Variants in MRTFB observed in about 807,000 individuals in gnomAD.
MRTFB encodes myocardin-related transcription factor B.
In MRTFB, 29 loss-of-function variants were observed where a neutral mutation model predicts 104.2. The ratio of observed to expected loss-of-function variants is 0.28; its 90% CI spans 0.21 to 0.38. MRTFB has a LOEUF of 0.38. Ranked by LOEUF, MRTFB falls within the 10% of genes least tolerant of loss-of-function variation. The pLI is 1.00. For missense variants in MRTFB, 1,270 were observed against 1,341.6 expected (o/e 0.95, Z 0.83); for synonymous variants, 535 against 519.5 (o/e 1.03, Z -0.41).
intron 3 of MRTFB, chr16:14,191,827 C>T (rs1196370672): frequency 6.6e-6 from 1 of 152,120 alleles, no homozygotes; most frequent in South Asian, 2.1e-4. Flanking sequence ...TACTAGATTA[C>T]TCAAATTGTT....
chr16:14,252,251 C>T lies in MRTFB; in HGVS notation c.2566-114C>T, dbSNP rs190684780. 13 of 1,472,866 alleles carry T rather than the reference C, an allele frequency of 8.8e-6. No homozygotes were observed. The East Asian group carries it at 2.1e-4, about 23-fold the overall frequency. 91.2% of individuals were successfully genotyped at this position (1,472,866 alleles called of 1,614,324 possible). A position where few individuals can be genotyped will look rare whatever the true frequency, so the allele number is the denominator to read the frequency against. On this transcript the variant is annotated intron_variant, in intron 14 of 16. Coordinates refer to ENST00000571589, the MANE Select transcript of MRTFB (RefSeq NM_001308142.2). ...CCTCACAGGTGCTTAAAAGAACCTGCTCATGAATTCCCTGATTTGGCCACT... is the reference window on the plus strand; with the variant it reads ...CCTCACAGGTGCTTAAAAGAACCTGTTCATGAATTCCCTGATTTGGCCACT...
Position 14,247,073 on chromosome 16 carries a change from G to A in MRTFB, c.1813G>A (p.Glu605Lys). The A allele has an allele frequency of 6.2e-7, 1 of 1,614,166 alleles. No individual in the cohort carries two copies. The highest frequency in any genetic ancestry group is 8.5e-7 in the Non-Finnish European group (1 of 1,180,030). The change falls in exon 12 of 17, where the codon GAA (glutamate) becomes AAA (lysine). Residue 605 changes from glutamate (E) to lysine (K), a missense_variant. Glu to Lys is a moderately conservative substitution (Grantham distance 56). This residue lies in a region of MRTFB where 1,144 missense variants were observed against 1,131.5 expected (regional missense o/e 1.01). Transcript: ENST00000571589. ...VEVLKMQLEV[E>K]KRGQQQRPLE... ...AGTGCTGAAAATGCAACTTGAGGTT[G>A]AAAAACGAGGGCAGCAGCAGCGGCC...
At chr16:14,133,824 C>A (rs1017033557) in intron 2 of MRTFB, among the ~76,000 whole-genome samples, 6 of 152,036 alleles carry the variant, frequency 3.9e-5, no homozygotes, top group Non-Finnish European at 7.4e-5. Flanking sequence ...AAAATTAATC[C>A]TCTAATCAAT....
chr16:14,082,903 A>G (rs1009737938), intron 2 of MRTFB, among the ~76,000 whole-genome samples: 16 of 152,204 alleles, frequency 1.1e-4, no homozygotes, highest in African/African-American at 2.2e-4. Flanking sequence ...GAAGAATGTT[A>G]TTGGTATTTT....
chr16:14,255,271 G>A (rs977652109), intron 15 of MRTFB, among the ~76,000 whole-genome samples: 2 of 152,190 alleles, frequency 1.3e-5, no homozygotes, highest in African/African-American at 4.8e-5. Flanking sequence ...TCACAAATAG[G>A]ATGAAAGACA....
intron 3 of MRTFB, among the ~76,000 whole-genome samples, chr16:14,163,470 C>T (rs537168676): frequency 1.3e-3 from 202 of 152,260 alleles, no homozygotes; most frequent in Admixed American, 3.9e-3. Flanking sequence ...AGTAATATTG[C>T]TCACTGGAAG....
At position 14,225,867 on chromosome 16, in the gene MRTFB, G is replaced by C. The variant is rs151007792; in HGVS notation, c.693+6869G>C. 3.9e-5 allele frequency among the ~76,000 whole-genome samples: 6 copies of C among 152,232 alleles called. No homozygotes were observed. In the East Asian group the frequency reaches 7.7e-4, roughly 20 times the overall value. On this transcript the variant is annotated intron_variant, in intron 8 of 16. Transcript: ENST00000571589. ...CATCTTCAGACTTTCTTGTCAGGACGTGACCACTGGGGAAGTTTGATAGCA... is the reference window on the plus strand; with the variant it reads ...CATCTTCAGACTTTCTTGTCAGGACCTGACCACTGGGGAAGTTTGATAGCA...
chr16:14,246,637 A>C lies in MRTFB; in HGVS notation c.1377A>C (p.Pro459=), dbSNP rs776191617. Residue 459 remains proline (P), a synonymous_variant, in exon 12 of 17, where the codon CCA becomes CCC. Transcript: ENST00000571589. ...VSSSAIVTSN[P]EVTVALPVTT... The stretch of plus-strand genomic sequence containing the variant: ...CATCAGCCATTGTCACCAGTAACCC[A>C]GAAGTCACTGTGGCCTTGCCGGTTA... The C allele has an allele frequency of 1.9e-6, 3 of 1,614,204 alleles. No homozygotes were observed. The Admixed American group carries it at 5.0e-5, about 27-fold the overall frequency.
At chr16:14,144,196 G>A (rs764122673) in intron 3 of MRTFB, 5 of 152,010 alleles carry the variant, frequency 3.3e-5, no homozygotes, top group Admixed American at 6.6e-5. Context: ...TGTTCAATAC[G>A]GAGTAAATGA....
chr16:14,060,142 G>A, the MRTFB span, among the ~76,000 whole-genome samples: 1 of 151,592 alleles, frequency 6.6e-6, no homozygotes, highest in East Asian at 1.9e-4. Context: ...GAGTAGCTGG[G>A]ATTACAGGAG....
the MRTFB span, among the ~76,000 whole-genome samples, chr16:14,042,230 A>G: frequency 6.6e-6 from 1 of 151,886 alleles, no homozygotes; most frequent in East Asian, 2.0e-4. Flanking sequence ...GGTTCAAGCA[A>G]TTCTCCTGCC....
At chr16:14,013,719 GCTTT>G in the MRTFB span, among the ~76,000 whole-genome samples, 1 of 151,742 alleles carries the variant, frequency 6.6e-6, no homozygotes, top group African/African-American at 2.4e-5. Flanking sequence ...CATCTGCTTT[GCTTT>G]CTGATTGAAT....
At chr16:14,037,493 TC>T in the MRTFB span, among the ~76,000 whole-genome samples, 2 of 152,168 alleles carry the variant, frequency 1.3e-5, no homozygotes, top group Non-Finnish European at 2.9e-5. Context: ...AAGGGTGTCT[TC>T]CATTGAGAGT....
At chr16:14,011,524 A>G in the MRTFB span, among the ~76,000 whole-genome samples, 3 of 152,234 alleles carry the variant, frequency 2.0e-5, no homozygotes, top group African/African-American at 4.8e-5. Flanking sequence ...AACCCTTAAT[A>G]TGCTAATGTG....
In MRTFB at chr16:14,261,522, T is replaced by TCAATAG; in HGVS notation, c.*79_*80insAATAGC. On this transcript the variant is annotated 3_prime_UTR_variant, in exon 17 of 17. Coordinates refer to ENST00000571589, the MANE Select transcript of MRTFB (RefSeq NM_001308142.2). ...TAAAAGGTCAGTTTTTAGAGATAGATCTATAGTTGCATTGTTGCAATCAAA... is the reference window on the plus strand; with the variant it reads ...TAAAAGGTCAGTTTTTAGAGATAGATCAATAGCTATAGTTGCATTGTTGCAATCAAA... 1 of 1,364,620 alleles carries TCAATAG rather than the reference T, an allele frequency of 7.3e-7. No individual in the cohort carries two copies. Among genetic ancestry groups the TCAATAG allele is most frequent in the East Asian group, 2.3e-5 (1 of 43,142 alleles). The allele number at this position is 1,364,620 out of a possible 1,614,324, so 84.5% of individuals were successfully genotyped here.
At chr16:14,185,908 C>G (rs993500440) in intron 3 of MRTFB, among the ~76,000 whole-genome samples, 2 of 152,138 alleles carry the variant, frequency 1.3e-5, no homozygotes, top group African/African-American at 4.8e-5. Context: ...CAGCAGTGTC[C>G]CTATATGCAG....
chr16:14,028,036 G>A, the MRTFB span, among the ~76,000 whole-genome samples: 1 of 152,142 alleles, frequency 6.6e-6, no homozygotes, highest in African/African-American at 2.4e-5. Flanking sequence ...AATTAGTCAG[G>A]CATGGTGGTG....
intron 3 of MRTFB, among the ~76,000 whole-genome samples, chr16:14,168,420 C>CCCT (rs1463137136): frequency 1.1e-4 from 17 of 152,208 alleles, no homozygotes; most frequent in African/African-American, 3.6e-4. Context: ...CCCTCTGAGA[C>CCCT]AGCTACTGTT....
In MRTFB at chr16:14,124,401, TTG is replaced by T. The variant is rs2037004776; in HGVS notation, c.-63-16141_-63-16140del. ...ATTCGGTATGATATTGGCTATGGATTTGTCATAAGTAGCTCTTACTATTTTGA... is the reference window on the plus strand; with the variant it reads ...ATTCGGTATGATATTGGCTATGGATTTCATAAGTAGCTCTTACTATTTTGA... On this transcript the variant is annotated intron_variant, in intron 2 of 16. Transcript: ENST00000571589. Among the ~76,000 whole-genome samples the T allele has an allele frequency of 2.0e-5, 3 of 152,268 alleles. No individual in the cohort carries two copies. The South Asian group carries it at 6.2e-4, about 32-fold the overall frequency.
Sources: gnomAD v4.1 joint callset for allele counts (sites outside exome capture counted in the v4.1 genomes callset) on GRCh38, gnomAD v4.1.1 for gene constraint, gnomAD v4.1.1 regional missense constraint, MANE v1.5 for transcripts, NCBI Gene and HGNC (gene_info 2026-07-23, HGNC 2026-07-21) for gene names.